WDFY4: variants seen among roughly 807,000 people sequenced by gnomAD.
WDFY4 encodes WD repeat- and FYVE domain-containing protein 4.
In WDFY4, 169 loss-of-function variants were observed where a neutral mutation model predicts 351.9. The observed-to-expected ratio is 0.48, with a 90% CI of 0.42 to 0.55. The LOEUF (loss-of-function observed/expected upper bound fraction) is 0.55. Among genes scored for constraint, WDFY4 ranks in the 20% least tolerant of loss-of-function variants. The pLI is 0.00. For missense variants in WDFY4, 3,803 were observed against 3,935.6 expected (o/e 0.97, Z 0.90); for synonymous variants, 1,622 against 1,574.6 (o/e 1.03, Z -0.71).
chr10:48,710,661 C>A (rs1159905049), intron 2 of WDFY4, among the ~76,000 whole-genome samples: 1 of 152,198 alleles, frequency 6.6e-6, no homozygotes, highest in Non-Finnish European at 1.5e-5. Flanking sequence ...ACCTCACACC[C>A]CAGGGATGCC....
At position 48,787,807 on chromosome 10, in the gene WDFY4, C is replaced by CTCCTCTTCTTCTTCTTCTTCTTCTTCT. The variant is rs796166984; in HGVS notation, c.3809-721_3809-720insCTCTTCTTCTTCTTCTTCTTCTTCTTC. Among the ~76,000 whole-genome samples the CTCCTCTTCTTCTTCTTCTTCTTCTTCT allele has an allele frequency of 4.7e-4, 36 of 76,740 alleles. 4 individuals are homozygous for CTCCTCTTCTTCTTCTTCTTCTTCTTCT. Among genetic ancestry groups the CTCCTCTTCTTCTTCTTCTTCTTCTTCT allele is most frequent in the East Asian group, 2.2e-3 (5 of 2,284 alleles). The allele number at this position is 76,740 out of a possible 152,430, so 50.3% of individuals were successfully genotyped here. ...CCTCTTCCTCCTCCTCCTCCTCCTC[C>CTCCTCTTCTTCTTCTTCTTCTTCTTCT]TCTTCTTCTTCTTCTTCTTCTTCTT... is the stretch of plus-strand genomic sequence containing the variant. On this transcript the variant is annotated intron_variant, in intron 20 of 61. Transcript: ENST00000325239.
At chr10:48,864,758 AG>A (rs2069482120) in intron 39 of WDFY4, among the ~76,000 whole-genome samples, 1 of 152,206 alleles carries the variant, frequency 6.6e-6, no homozygotes, top group African/African-American at 2.4e-5. Context: ...GATATTTTAT[AG>A]GTTTCAGTGT....
intron 52 of WDFY4, among the ~76,000 whole-genome samples, chr10:48,958,477 G>A (rs902571254): frequency 6.6e-6 from 1 of 152,186 alleles, no homozygotes; most frequent in Non-Finnish European, 1.5e-5. Context: ...AGACTCTTCT[G>A]CAGGAGGCAT....
intron 24 of WDFY4, among the ~76,000 whole-genome samples, chr10:48,799,766 T>A (rs2066997860): frequency 6.6e-6 from 1 of 152,186 alleles, no homozygotes; most frequent in Non-Finnish European, 1.5e-5. Context: ...AGAGCGAGAC[T>A]TCGTCTCAAA....
intron 9 of WDFY4, 52 bp from the exon 10 acceptor site, chr10:48,733,879 G>T: frequency 1.3e-6 from 2 of 1,502,512 alleles, no homozygotes; most frequent in Non-Finnish European, 1.8e-6. Flanking sequence ...GAGATTTGCG[G>T]TCATACCACA....
intron 47 of WDFY4, among the ~76,000 whole-genome samples, chr10:48,924,472 G>A (rs1430768841): frequency 6.6e-6 from 1 of 152,242 alleles, no homozygotes; most frequent in Non-Finnish European, 1.5e-5. Flanking sequence ...AAAGATGTAA[G>A]TAGATAAGCA....
intron 47 of WDFY4, among the ~76,000 whole-genome samples, chr10:48,936,989 G>A (rs779970743): frequency 1.3e-5 from 2 of 151,580 alleles, no homozygotes; most frequent in East Asian, 2.0e-4. Flanking sequence ...GCACGACCTC[G>A]GCTCACTGCA....
Position 48,803,295 on chromosome 10 carries a change from A to C in WDFY4, c.4420A>C (p.Asn1474His). The C allele has an allele frequency of 6.4e-7, 1 of 1,552,004 alleles. No individual in the cohort carries two copies. Among genetic ancestry groups the C allele is most frequent in the Non-Finnish European group, 8.7e-7 (1 of 1,147,044 alleles). ...TTGTTTTGTCTTCCAGCTCTGGATG[A>C]ATACTGCAGACAATCTGGAGCTCAG... is the stretch of plus-strand genomic sequence containing the variant. ...HILCNFELWMNTADNLELSLF... is the reference protein window; with the variant it reads ...HILCNFELWMHTADNLELSLF... Residue 1474 changes from asparagine (N) to histidine (H), a missense_variant, in exon 25 of 62, where the codon AAT becomes CAT. Coordinates refer to ENST00000325239, the MANE Select transcript of WDFY4 (RefSeq NM_001394531.1).
At chr10:48,768,063 G>A (rs986005908) in intron 13 of WDFY4, among the ~76,000 whole-genome samples, 32 of 152,290 alleles carry the variant, frequency 2.1e-4, no homozygotes, top group African/African-American at 7.7e-4. Flanking sequence ...ATACTGATTT[G>A]GATTAGCCTG....
chr10:48,755,651 T>C (rs1245445124), intron 12 of WDFY4, among the ~76,000 whole-genome samples: 1 of 152,202 alleles, frequency 6.6e-6, no homozygotes, highest in East Asian at 1.9e-4. Flanking sequence ...CTTTATAACT[T>C]TGTAAAAACT....
chr10:48,723,521 A>C lies in WDFY4; in HGVS notation c.545A>C (p.Asp182Ala). Residue 182 changes from aspartate (D) to alanine (A), a missense_variant, in exon 5 of 62, where the codon GAT (aspartate) becomes GCT (alanine). Coordinates refer to ENST00000325239, the MANE Select transcript of WDFY4 (RefSeq NM_001394531.1). ...TTCTTTGTCTTTCCTCTGGACAAAG[A>C]TGAGCTTCTTGAGAGTGATCTTCAA... ...YLFFVFPLDK[D>A]ELLESDLQVQ... 1 of 1,551,802 alleles carries C rather than the reference A, an allele frequency of 6.4e-7. No individual in the cohort carries two copies. The highest frequency in any genetic ancestry group is 8.7e-7 in the Non-Finnish European group (1 of 1,147,052).
chr10:48,844,318 G>A (rs1236047120), intron 39 of WDFY4, among the ~76,000 whole-genome samples: 1 of 152,116 alleles, frequency 6.6e-6, no homozygotes, highest in African/African-American at 2.4e-5. Context: ...CAGGCCGGGT[G>A]CAGTGGCTCA....
intron 61 of WDFY4, among the ~76,000 whole-genome samples, chr10:48,982,292 G>A (rs948470436): frequency 1.3e-5 from 2 of 151,610 alleles, no homozygotes; most frequent in Non-Finnish European, 2.9e-5. Flanking sequence ...CCACAGTGCT[G>A]TGGGAGCCAC....
chr10:48,690,508 G>C (rs1220665443), intron 1 of WDFY4, among the ~76,000 whole-genome samples: 1 of 152,166 alleles, frequency 6.6e-6, no homozygotes, highest in Non-Finnish European at 1.5e-5. Context: ...AGATGAAGAG[G>C]AGCTTTATTA....
At chr10:48,943,552 C>A in intron 49 of WDFY4, 103 bp downstream of exon 49, 1 of 1,259,886 alleles carries the variant, frequency 7.9e-7, no homozygotes, top group Non-Finnish European at 1.1e-6. Context: ...GGTTCCGTCA[C>A]ATGAACCTGG....
intron 3 of WDFY4, among the ~76,000 whole-genome samples, chr10:48,720,812 C>T (rs1013438733): frequency 2.6e-5 from 4 of 152,186 alleles, no homozygotes; most frequent in East Asian, 1.9e-4. Context: ...CCCTCATGTG[C>T]GCTGGTCCCT....
chr10:48,924,967 A>G (rs935849636), intron 47 of WDFY4, among the ~76,000 whole-genome samples: 2 of 152,238 alleles, frequency 1.3e-5, no homozygotes, highest in Non-Finnish European at 2.9e-5. Context: ...CAACTGATCC[A>G]TTGAGATACA....
At chr10:48,860,571 G>A (rs1316231841) in intron 39 of WDFY4, among the ~76,000 whole-genome samples, 3 of 152,212 alleles carry the variant, frequency 2.0e-5, no homozygotes, top group Non-Finnish European at 4.4e-5. Flanking sequence ...ATACCATTAT[G>A]TTGGGAGTTA....
At chr10:48,821,686 G>A (rs1036370234) in intron 34 of WDFY4, among the ~76,000 whole-genome samples, 3 of 152,234 alleles carry the variant, frequency 2.0e-5, no homozygotes, top group Non-Finnish European at 4.4e-5. Context: ...AGCCTTTTCT[G>A]TGGTTCCCAA....
Sources: gnomAD v4.1 joint callset for allele counts (sites outside exome capture counted in the v4.1 genomes callset) on GRCh38, gnomAD v4.1.1 for gene constraint, MANE v1.5 for transcripts, NCBI Gene and HGNC (gene_info 2026-07-23, HGNC 2026-07-21) for gene names.